The following SETD9 variants were observed in gnomAD, a reference collection of about 807,000 sequenced individuals.
SETD9 encodes the protein SET domain containing 9.
A neutral mutation model predicts 36.4 loss-of-function variants in SETD9; 37 were observed. That is an observed-to-expected ratio of 1.02 (90% confidence interval 0.78 to 1.34). The LOEUF (loss-of-function observed/expected upper bound fraction) is 1.34. SETD9 is among the 40% of genes most tolerant of loss of function. The pLI, the probability that SETD9 is intolerant of heterozygous loss-of-function variation, is 0.00. For synonymous variants in SETD9, 128 were observed against 132.9 expected (o/e 0.96, Z 0.26); for missense variants, 323 against 353.2 (o/e 0.91, Z 0.69).
chr5:56,910,015 G>A, intron 1 of SETD9: 1 of 1,349,636 alleles, frequency 7.4e-7, no homozygotes, highest in Non-Finnish European at 9.6e-7. Context: ...TCAGGTGGGC[G>A]GGGCCTATGG....
upstream of SETD9, chr5:56,909,424 A>T (rs760771579): frequency 1.0e-4 from 44 of 437,758 alleles, no homozygotes; most frequent in Non-Finnish European, 1.6e-4. Flanking sequence ...GGTCAAGGGG[A>T]CCTCCTTCCA....
chr5:56,913,250 T>C (rs1749245914), intron 3 of SETD9, 116 bp downstream of exon 3: 5 of 1,241,248 alleles, frequency 4.0e-6, no homozygotes, highest in Admixed American at 2.5e-5. Context: ...GATGGGGTCT[T>C]GCTATGTTGT....
chr5:56,909,917 A>G (rs1749013791), intron 1 of SETD9, 174 bp downstream of exon 1: 1 of 972,622 alleles, frequency 1.0e-6, no homozygotes, highest in Admixed American at 3.2e-5. Flanking sequence ...GAGGCCTCGG[A>G]GGGGTTTAAG....
rs886644368 is a variant in SETD9 at position 56,910,111 on chromosome 5, T to A, written c.98+368T>A. 3 of 1,243,196 alleles carry A rather than the reference T, an allele frequency of 2.4e-6. No individual in the cohort carries two copies. In the African/African-American group the frequency reaches 4.7e-5, roughly 19 times the overall value. The allele number at this position is 1,243,196 out of a possible 1,614,324, so 77.0% of individuals were successfully genotyped here. A position where few individuals can be genotyped will look rare whatever the true frequency, so the allele number is the denominator to read the frequency against. On this transcript the variant is annotated intron_variant, in intron 1 of 5. Coordinates refer to ENST00000285947, the MANE Select transcript of SETD9 (RefSeq NM_153706.4). ...TGTCGCCTGTTCTTCCCTGTTGCGTTCGGCACTGACTGGGGAGCTTGTATC... is the reference window on the plus strand; with the variant it reads ...TGTCGCCTGTTCTTCCCTGTTGCGTACGGCACTGACTGGGGAGCTTGTATC...
Position 56,914,958 on chromosome 5 carries a change from CA to C in SETD9, c.807del (p.Lys269AsnfsTer46), listed in dbSNP as rs1749352546. ...YLPNIAYSYD[K>X]QSPLRCVVLV... ...TTCCAAACATTGCCTACAGCTATGA[CA>C]AACAAAGGTTCGTTTGCTAAAAGAG... is the stretch of plus-strand genomic sequence containing the variant. On this transcript the variant is annotated frameshift_variant, in exon 5 of 6. Coordinates refer to ENST00000285947, the MANE Select transcript of SETD9 (RefSeq NM_153706.4). LOFTEE classifies it high-confidence loss of function. 2 of 1,582,514 alleles carry C rather than the reference CA, an allele frequency of 1.3e-6. No homozygotes were observed. Among genetic ancestry groups the C allele is most frequent in the Middle Eastern group, 1.7e-4 (1 of 5,942 alleles).
intron 2 of SETD9, 73 bp from the exon 3 acceptor site, chr5:56,912,938 A>G: frequency 6.8e-7 from 1 of 1,466,552 alleles, no homozygotes; most frequent in Non-Finnish European, 9.4e-7. Context: ...TTATATTCCA[A>G]AGAAGGGTTC....
chr5:56,916,098 T>C (rs1168337636), intron 5 of SETD9, among the ~76,000 whole-genome samples: 2 of 152,134 alleles, frequency 1.3e-5, no homozygotes, highest in South Asian at 2.1e-4. Flanking sequence ...AATGTATATA[T>C]GTAACAATAT....
chr5:56,912,932 A>G, intron 2 of SETD9, 79 bp from the exon 3 acceptor site: 1 of 1,426,868 alleles, frequency 7.0e-7, no homozygotes, highest in South Asian at 1.3e-5. Context: ...ATGTGATTAT[A>G]TTCCAAAGAA....
At chr5:56,914,453 G>A (rs1749320665) in intron 4 of SETD9, among the ~76,000 whole-genome samples, 1 of 152,042 alleles carries the variant, frequency 6.6e-6, no homozygotes, top group Admixed American at 6.5e-5. Context: ...AGTGAGAAAC[G>A]AAGTCCAAGC....
At chr5:56,923,307 A>G (rs772682288) in intron 5 of SETD9, 1 of 1,614,084 alleles carries the variant, frequency 6.2e-7, no homozygotes, top group Non-Finnish European at 8.5e-7. Flanking sequence ...TCATTCATAA[A>G]GGATTCAGGG....
At chr5:56,923,684 A>G in intron 5 of SETD9, 1 of 1,614,178 alleles carries the variant, frequency 6.2e-7, no homozygotes, top group Non-Finnish European at 8.5e-7. Context: ...AAAGGTCTTC[A>G]TTTTACCTGT....
chr5:56,925,333 G>A, exon 6 of SETD9: 1 of 454,770 alleles, frequency 2.2e-6, no homozygotes, highest in Non-Finnish European at 4.4e-6. Context: ...CTGTTTACAG[G>A]TGACATGACT....
Position 56,911,475 on chromosome 5 carries a change from A to C in SETD9, c.405A>C (p.Gly135=). The C allele has an allele frequency of 1.2e-6, 2 of 1,605,968 alleles. No homozygotes were observed. The highest frequency in any genetic ancestry group is 1.7e-6 in the Non-Finnish European group (2 of 1,177,396). The change falls in exon 2 of 6, where the codon GGA becomes GGC. Residue 135 remains glycine (G), a synonymous_variant. Coordinates refer to ENST00000285947, the MANE Select transcript of SETD9 (RefSeq NM_153706.4). ...AQATSSLISA[G]KGVFVTKGLV... ...CAACTAGCTCATTGATTTCTGCTGG[A>C]AAAGGTGTCTTCGTTACTAAAGGAT...
At chr5:56,921,805 A>T (rs931396081), downstream of SETD9, 1 of 152,662 alleles carries the variant, frequency 6.6e-6, no homozygotes, top group African/African-American at 2.4e-5. Context: ...TTTTAACAGT[A>T]CTACAAAAGC....
chr5:56,925,517 C>A, exon 6 of SETD9: 1 of 228,982 alleles, frequency 4.4e-6, no homozygotes, highest in Non-Finnish European at 8.9e-6. Flanking sequence ...ATTAGCACCC[C>A]AAAATTAAAA....
intron 5 of SETD9, chr5:56,923,051 TG>T: frequency 8.0e-7 from 1 of 1,247,916 alleles, no homozygotes; most frequent in East Asian, 2.5e-5. Context: ...AAACTTCCAG[TG>T]AAAGACTATG....
chr5:56,909,486 A>C (rs1579802563), upstream of SETD9: 1 of 542,090 alleles, frequency 1.8e-6, no homozygotes, highest in East Asian at 3.4e-5. Flanking sequence ...GGGAAGGACG[A>C]AGCCCCAGAG....
intron 3 of SETD9, 103 bp downstream of exon 3, chr5:56,913,237 A>G: frequency 7.5e-7 from 1 of 1,332,542 alleles, no homozygotes; most frequent in Non-Finnish European, 1.0e-6. Flanking sequence ...TTTTATATAA[A>G]GAGATGGGGT....
At chr5:56,928,658 T>TGGC (rs10684065), downstream of SETD9, 12 of 692,282 alleles carry the variant, frequency 1.7e-5, no homozygotes, top group East Asian at 5.5e-5. Flanking sequence ...TGAAATGCTA[T>TGGC]AAGGGAACAT....
Sources: allele counts gnomAD v4.1 joint callset (sites outside exome capture counted in the v4.1 genomes callset), GRCh38; gene constraint gnomAD v4.1.1; transcripts MANE v1.5; gene names NCBI Gene and HGNC (gene_info 2026-07-23, HGNC 2026-07-21).